EPHA4: variants seen among roughly 807,000 people sequenced by gnomAD.
EPHA4 encodes the protein ephrin type-A receptor 4.
In EPHA4, 19 loss-of-function variants were observed where a neutral mutation model predicts 108.3. The observed-to-expected ratio is 0.18, with a 90% CI of 0.12 to 0.26. The LOEUF (loss-of-function observed/expected upper bound fraction) is 0.26. Ranked by LOEUF, EPHA4 falls within the 10% of genes least tolerant of loss-of-function variation. The pLI is 1.00. For synonymous variants in EPHA4, 449 were observed against 455.5 expected (o/e 0.99, Z 0.18); for missense variants, 917 against 1,254.0 (o/e 0.73, Z 4.06).
At chr2:221,485,828 T>C (rs746708087) in intron 4 of EPHA4, among the ~76,000 whole-genome samples, 1 of 149,280 alleles carries the variant, frequency 6.7e-6, no homozygotes, top group Non-Finnish European at 1.5e-5. Flanking sequence ...TGGGCTTGAA[T>C]ATAGCCAAAA....
intron 15 of EPHA4, among the ~76,000 whole-genome samples, chr2:221,428,817 C>CA (rs1194477757): frequency 6.6e-6 from 1 of 152,184 alleles, no homozygotes; most frequent in African/African-American, 2.4e-5. Context: ...GACCATTGAG[C>CA]ATTTTGTGTA....
At chr2:221,463,779 A>C (rs546915640) in intron 5 of EPHA4, among the ~76,000 whole-genome samples, 144 of 152,314 alleles carry the variant, frequency 9.5e-4, no homozygotes, top group African/African-American at 3.2e-3. Context: ...TGTGACACCC[A>C]AATGGGATGG....
At chr2:221,498,485 T>C (rs897111726) in intron 4 of EPHA4, among the ~76,000 whole-genome samples, 13 of 152,098 alleles carry the variant, frequency 8.5e-5, no homozygotes, top group African/African-American at 2.9e-4. Flanking sequence ...AATATTTACA[T>C]TGGAAAAGAA....
intron 8 of EPHA4, among the ~76,000 whole-genome samples, chr2:221,446,651 A>T (rs1198332907): frequency 2.0e-5 from 3 of 152,162 alleles, no homozygotes; most frequent in African/African-American, 7.2e-5. Context: ...GTAATAGTAA[A>T]TATTATTGCT....
intron 4 of EPHA4, among the ~76,000 whole-genome samples, chr2:221,499,089 C>T (rs1692394884): frequency 1.3e-5 from 2 of 151,744 alleles, no homozygotes; most frequent in African/African-American, 4.8e-5. Context: ...TGCATCTAAC[C>T]TTTTTAACAG....
intron 9 of EPHA4, among the ~76,000 whole-genome samples, chr2:221,445,007 C>CT (rs1221636732): frequency 6.6e-6 from 1 of 152,108 alleles, no homozygotes; most frequent in Non-Finnish European, 1.5e-5. Flanking sequence ...ATCTGCCCTC[C>CT]TTGGCCTCCC....
chr2:221,502,245 G>A (rs1339692357), intron 3 of EPHA4, among the ~76,000 whole-genome samples: 1 of 151,754 alleles, frequency 6.6e-6, no homozygotes, highest in Non-Finnish European at 1.5e-5. Flanking sequence ...TCTCAAATCT[G>A]TCTCAACCCC....
intron 3 of EPHA4, among the ~76,000 whole-genome samples, chr2:221,513,045 G>A (rs1045824539): frequency 6.6e-6 from 1 of 152,122 alleles, no homozygotes; most frequent in Non-Finnish European, 1.5e-5. Context: ...TGCCCCCTGA[G>A]TATCACCTGG....
intron 8 of EPHA4, among the ~76,000 whole-genome samples, chr2:221,455,013 C>G (rs892369262): frequency 3.3e-5 from 5 of 152,196 alleles, no homozygotes; most frequent in Admixed American, 3.3e-4. Flanking sequence ...GTGACCATTA[C>G]TGTTAACCAA....
At chr2:221,523,728 A>G (rs2106176576) in intron 3 of EPHA4, among the ~76,000 whole-genome samples, 1 of 150,980 alleles carries the variant, frequency 6.6e-6, no homozygotes, top group African/African-American at 2.4e-5. Context: ...TGGGTAGCTG[A>G]GATTACAGAC....
chr2:221,443,714 T>C (rs1690504301), intron 9 of EPHA4, 108 bp from the exon 10 acceptor site: 1 of 756,934 alleles, frequency 1.3e-6, no homozygotes, highest in Non-Finnish European at 2.2e-6. Context: ...AAGTTAGCTG[T>C]ACGGTCTTGA....
At chr2:221,463,853 A>C (rs1429768817) in intron 5 of EPHA4, among the ~76,000 whole-genome samples, 1 of 152,226 alleles carries the variant, frequency 6.6e-6, no homozygotes, top group Non-Finnish European at 1.5e-5. Flanking sequence ...CCTGAGCTAG[A>C]AAATTGTTTT....
chr2:221,419,829 G>A lies in EPHA4; in HGVS notation c.*1543C>T, dbSNP rs1274267100. On this transcript the variant is annotated 3_prime_UTR_variant, in exon 18 of 18. Coordinates refer to ENST00000281821, the MANE Select transcript of EPHA4 (RefSeq NM_004438.5). ...CAAGGGGATGGTCTCCAGGTCCACT[G>A]TATCATGTAGTTCTTCATCTTGAAA... The A allele has an allele frequency of 6.6e-6, 1 of 152,576 alleles. No homozygotes were observed. Among genetic ancestry groups the A allele is most frequent in the Non-Finnish European group, 1.5e-5 (1 of 68,042 alleles). The allele number at this position is 152,576 out of a possible 1,614,324, so 9.5% of individuals were successfully genotyped here.
In EPHA4 at chr2:221,418,974, C is replaced by A. The variant is rs1343403453; in HGVS notation, c.*2398G>T. On this transcript the variant is annotated 3_prime_UTR_variant, in exon 18 of 18. Transcript: ENST00000281821. ...CACTCTGGCATAGAACACAATGCCA[C>A]ACACCCTGTCAGAATGTAATAAATA... The A allele has an allele frequency of 6.6e-6, 1 of 152,630 alleles. No homozygotes were observed. Among genetic ancestry groups the A allele is most frequent in the Non-Finnish European group, 1.5e-5 (1 of 68,020 alleles). 9.5% of individuals were successfully genotyped at this position (152,630 alleles called of 1,614,324 possible).
At chr2:221,435,684 A>C (rs1690208783) in intron 13 of EPHA4, among the ~76,000 whole-genome samples, 2 of 152,306 alleles carry the variant, frequency 1.3e-5, no homozygotes, top group Admixed American at 1.3e-4. Context: ...CAGATAGTCG[A>C]GCTAAGATAG....
At chr2:221,508,398 G>A (rs1692696661) in intron 3 of EPHA4, among the ~76,000 whole-genome samples, 1 of 152,052 alleles carries the variant, frequency 6.6e-6, no homozygotes, top group Non-Finnish European at 1.5e-5. Flanking sequence ...CTCCAACATG[G>A]TGAACCCTGT....
chr2:221,553,018 CTG>C (rs1245450983), intron 3 of EPHA4, among the ~76,000 whole-genome samples: 1 of 152,176 alleles, frequency 6.6e-6, no homozygotes, highest in Admixed American at 6.5e-5. Flanking sequence ...GCACCTCTAA[CTG>C]GCAACACATC....
At chr2:221,555,254 C>T (rs894455608) in intron 3 of EPHA4, among the ~76,000 whole-genome samples, 3 of 152,166 alleles carry the variant, frequency 2.0e-5, no homozygotes, top group African/African-American at 7.2e-5. Flanking sequence ...CAAATCAAAA[C>T]CGAATTAATT....
Position 221,498,092 on chromosome 2 carries a change from G to A in EPHA4, c.979+2925C>T, listed in dbSNP as rs13394253. 3.3e-3 allele frequency among the ~76,000 whole-genome samples: 509 copies of A among 152,228 alleles called. 5 individuals are homozygous for A. Among genetic ancestry groups the A allele is most frequent in the African/African-American group, 0.012 (492 of 41,548 alleles). On this transcript the variant is annotated intron_variant, in intron 4 of 17. Transcript: ENST00000281821. ...GCAACACAGACATATGGCCATCTTT[G>A]GAGGTTTCCTAAACTCCCAAGTAGC...
Sources: allele counts gnomAD v4.1 joint callset (sites outside exome capture counted in the v4.1 genomes callset), GRCh38; gene constraint gnomAD v4.1.1; transcripts MANE v1.5; gene names NCBI Gene and HGNC (gene_info 2026-07-23, HGNC 2026-07-21).